DECR1: variants seen among roughly 807,000 people sequenced by gnomAD.
DECR1 encodes 2,4-dienoyl-CoA reductase [(3E)-enoyl-CoA-producing], mitochondrial.
A neutral mutation model predicts 38.8 loss-of-function variants in DECR1; 44 were observed. That is an observed-to-expected ratio of 1.13 (90% CI 0.89 to 1.46). The LOEUF (loss-of-function observed/expected upper bound fraction) is 1.46, where lower values mean the gene tolerates loss of function less well. Among genes scored for constraint, DECR1 ranks in the 40% most tolerant of loss-of-function variants. The pLI, the probability that DECR1 is intolerant of heterozygous loss-of-function variation, is 0.00. For missense variants in DECR1, 428 were observed against 405.5 expected, an observed-to-expected ratio of 1.06 and a Z score of -0.48; for synonymous variants, 148 against 135.2, an observed-to-expected ratio of 1.09 and a Z score of -0.66.
chr8:90,039,302 A>C (rs976187092), intron 6 of DECR1, among the ~76,000 whole-genome samples: 1 of 152,212 alleles, frequency 6.6e-6, no homozygotes, highest in Non-Finnish European at 1.5e-5. Context: ...AAAGAGGTTT[A>C]ATTGACTCAC....
chr8:90,050,259 A>G (rs1444348547), intron 8 of DECR1, among the ~76,000 whole-genome samples: 1 of 152,226 alleles, frequency 6.6e-6, no homozygotes. Flanking sequence ...AATGGGAGAA[A>G]ATGTTTACAA....
At position 90,053,048 on chromosome 8, in the gene DECR1, A is replaced by C. The variant is rs1338815043; in HGVS notation, c.*1151A>C. ...GTTATAGGTTTGGAATAAGTGGCCC[A>C]ACATTTCCAATTATACTGACTTTCA... On this transcript the variant is annotated 3_prime_UTR_variant, in exon 10 of 10. Transcript: ENST00000220764. 6.6e-6 allele frequency among the ~76,000 whole-genome samples: 1 copy of C among 152,248 alleles called. No individual in the cohort carries two copies. The highest frequency in any genetic ancestry group is 2.4e-5 in the African/African-American group (1 of 41,466).
Position 90,046,652 on chromosome 8 carries a change from G to A in DECR1, c.885+1657G>A, listed in dbSNP as rs1199731083. ...AGGAGAATTTCCCCAACCTACCAAC[G>A]CAGGCCAACATTCAAATTCAGGAAA... On this transcript the variant is annotated intron_variant, in intron 8 of 9. Transcript: ENST00000220764. Among the ~76,000 whole-genome samples the A allele has an allele frequency of 3.3e-5, 5 of 152,234 alleles. No homozygotes were observed. In the East Asian group the frequency reaches 9.6e-4, roughly 29 times the overall value.
At position 90,036,974 on chromosome 8, in the gene DECR1, A is replaced by G. The variant is rs1378431384; in HGVS notation, c.665+34A>G. 8 of 1,464,434 alleles carry G rather than the reference A, an allele frequency of 5.5e-6. No individual in the cohort carries two copies. The East Asian group carries it at 1.4e-4, about 25-fold the overall frequency. 90.7% of individuals were successfully genotyped at this position (1,464,434 alleles called of 1,614,324 possible). On this transcript the variant is annotated intron_variant, in intron 6 of 9. Transcript: ENST00000220764. The stretch of plus-strand genomic sequence containing the variant: ...TTCCTTGTCAATCCTGTTGCTGAAC[A>G]TAACTAATACAGTTGGTGGCTCAGG...
At chr8:90,015,164 CA>C (rs532179611) in intron 1 of DECR1, among the ~76,000 whole-genome samples, 9 of 149,744 alleles carry the variant, frequency 6.0e-5, no homozygotes, top group South Asian at 2.1e-4. Context: ...AACAAACAAA[CA>C]AAAAAAAACA....
At chr8:90,044,664 A>G (rs1716453029) in intron 7 of DECR1, among the ~76,000 whole-genome samples, 185 bp from the exon 8 acceptor site, 1 of 152,262 alleles carries the variant, frequency 6.6e-6, no homozygotes, top group African/African-American at 2.4e-5. Flanking sequence ...CTAAGATTAA[A>G]AGGGTTATAT....
chr8:90,004,492 C>T (rs1261498341), intron 1 of DECR1, among the ~76,000 whole-genome samples: 1 of 152,082 alleles, frequency 6.6e-6, no homozygotes, highest in African/African-American at 2.4e-5. Flanking sequence ...CTTGGGTTAG[C>T]ATTTGGTGTA....
At chr8:90,044,165 A>G (rs1434979231) in intron 7 of DECR1, among the ~76,000 whole-genome samples, 1 of 152,220 alleles carries the variant, frequency 6.6e-6, no homozygotes, top group Non-Finnish European at 1.5e-5. Flanking sequence ...TCTGGGCTTT[A>G]TAACCTCCTG....
At chr8:90,002,340 C>T (rs1054710189) in intron 1 of DECR1, among the ~76,000 whole-genome samples, 2 of 152,144 alleles carry the variant, frequency 1.3e-5, no homozygotes, top group South Asian at 4.1e-4. Context: ...TGTTTATAGA[C>T]TCCCCTTCCC....
In DECR1 at chr8:90,044,911, C is replaced by G. The variant is rs1813850194; in HGVS notation, c.801C>G (p.Pro267=). 6 of 1,613,422 alleles carry G rather than the reference C, an allele frequency of 3.7e-6. No individual in the cohort carries two copies. The highest frequency in any genetic ancestry group is 5.1e-6 in the Non-Finnish European group (6 of 1,179,570). ...AGAAAGAAATGATTGGCAGAATTCC[C>G]TGTGGTCGCCTGGGGACTGTAGAAG... The part of the protein sequence containing the change: ...TFEKEMIGRI[P]CGRLGTVEEL... The change falls in exon 8 of 10, where the codon CCC becomes CCG. Residue 267 remains proline (P), a synonymous_variant. Transcript: ENST00000220764.
chr8:90,036,334 T>G (rs1462049219), intron 5 of DECR1, among the ~76,000 whole-genome samples: 1 of 152,168 alleles, frequency 6.6e-6, no homozygotes, highest in Non-Finnish European at 1.5e-5. Flanking sequence ...CAGGGCTTAG[T>G]CATTTTCCTT....
chr8:90,016,130 C>T (rs369779478), intron 1 of DECR1, among the ~76,000 whole-genome samples: 1 of 152,048 alleles, frequency 6.6e-6, no homozygotes, highest in East Asian at 1.9e-4. Context: ...TTTTTTACTC[C>T]GAAATGGATT....
At chr8:90,007,204 A>G (rs1812764654) in intron 1 of DECR1, among the ~76,000 whole-genome samples, 1 of 152,056 alleles carries the variant, frequency 6.6e-6, no homozygotes, top group Non-Finnish European at 1.5e-5. Flanking sequence ...TGTTTTCCTG[A>G]GTGTAAATTT....
chr8:90,010,956 A>T (rs1175883306), intron 1 of DECR1, among the ~76,000 whole-genome samples: 1 of 152,162 alleles, frequency 6.6e-6, no homozygotes, highest in Non-Finnish European at 1.5e-5. Flanking sequence ...AAGAAAAAAA[A>T]TTTATGAACA....
intron 1 of DECR1, among the ~76,000 whole-genome samples, chr8:90,003,696 C>T (rs1034969007): frequency 1.3e-5 from 2 of 152,130 alleles, no homozygotes; most frequent in African/African-American, 4.8e-5. Context: ...CAAAACAGCA[C>T]TTTGGGAGGC....
chr8:90,016,166 A>G (rs72671845), intron 1 of DECR1, among the ~76,000 whole-genome samples: 40,735 of 152,086 alleles, frequency 0.27, 5,742 homozygotes, highest in East Asian at 0.39. Context: ...TAAAATAAAT[A>G]ACAGAAATAT....
chr8:90,053,136 A>G lies in DECR1; in HGVS notation c.*1239A>G, dbSNP rs1814136606. On this transcript the variant is annotated 3_prime_UTR_variant, in exon 10 of 10. Coordinates refer to ENST00000220764, the MANE Select transcript of DECR1 (RefSeq NM_001359.2). ...ATGCTTGCAATACAATACTCTCAAA[A>G]TAAAACGCAGACAGGTACCTAGTCT... Among the ~76,000 whole-genome samples, 1 of 152,130 alleles carries G rather than the reference A, an allele frequency of 6.6e-6. No homozygotes were observed. The highest frequency in any genetic ancestry group is 2.1e-4 in the South Asian group (1 of 4,826).
chr8:90,046,199 T>C (rs1174930194), intron 8 of DECR1, among the ~76,000 whole-genome samples: 1 of 152,202 alleles, frequency 6.6e-6, no homozygotes, highest in Non-Finnish European at 1.5e-5. Flanking sequence ...TTTGACGAGT[T>C]GAGAGAAGAA....
intron 8 of DECR1, among the ~76,000 whole-genome samples, chr8:90,048,575 A>G (rs1813977706): frequency 6.6e-6 from 1 of 152,228 alleles, no homozygotes; most frequent in African/African-American, 2.4e-5. Flanking sequence ...GTCCAGGACC[A>G]GACAGATTCA....
Sources: gnomAD v4.1 joint callset for allele counts (sites outside exome capture counted in the v4.1 genomes callset) on GRCh38, gnomAD v4.1.1 for gene constraint, MANE v1.5 for transcripts, NCBI Gene and HGNC (gene_info 2026-07-23, HGNC 2026-07-21) for gene names.